Variants in DLG2 observed in about 807,000 individuals in gnomAD.
DLG2 encodes the protein disks large homolog 2.
DLG2 carries 45 observed loss-of-function variants against 132.5 expected under a neutral mutation model. The ratio of observed to expected loss-of-function variants is 0.34; its 90% CI spans 0.27 to 0.44. The LOEUF is 0.44. DLG2 is among the 20% of genes least tolerant of loss of function. DLG2 has a pLI of 1.00. For missense variants in DLG2, 1,045 were observed against 1,196.9 expected (o/e 0.87, Z 1.87); for synonymous variants, 424 against 419.6 (o/e 1.01, Z -0.13).
chr11:83,774,225 T>G (rs1307432582), intron 18 of DLG2, among the ~76,000 whole-genome samples: 1 of 152,170 alleles, frequency 6.6e-6, no homozygotes, highest in Non-Finnish European at 1.5e-5. Context: ...GCATCCACAG[T>G]CTCCCAAGGG....
At chr11:83,817,118 G>T (rs2049224747) in intron 17 of DLG2, among the ~76,000 whole-genome samples, 1 of 152,116 alleles carries the variant, frequency 6.6e-6, no homozygotes, top group African/African-American at 2.4e-5. Context: ...GACAAGCATT[G>T]TCCTGGCTTA....
chr11:84,259,758 T>C (rs1409994893), intron 7 of DLG2, among the ~76,000 whole-genome samples: 1 of 152,148 alleles, frequency 6.6e-6, no homozygotes, highest in African/African-American at 2.4e-5. Flanking sequence ...GAACTCTTAA[T>C]AATAAAAATA....
chr11:85,402,248 T>G (rs2088210845), intron 3 of DLG2, among the ~76,000 whole-genome samples: 1 of 152,170 alleles, frequency 6.6e-6, no homozygotes, highest in African/African-American at 2.4e-5. Flanking sequence ...GGGAAAGGAT[T>G]CTCTATTTAA....
chr11:84,175,770 G>C (rs1454017), intron 8 of DLG2, among the ~76,000 whole-genome samples: 103,334 of 151,884 alleles, frequency 0.68, 36,116 homozygotes, highest in Middle Eastern at 0.83. Flanking sequence ...CTGTGATTTT[G>C]GAAAAATGCT....
At chr11:85,344,410 A>G (rs1565353008) in intron 3 of DLG2, among the ~76,000 whole-genome samples, 1 of 152,130 alleles carries the variant, frequency 6.6e-6, no homozygotes, top group Non-Finnish European at 1.5e-5. Context: ...GAGCCTAATG[A>G]CGGACAGAGG....
chr11:84,749,055 G>C (rs539144051), intron 6 of DLG2, among the ~76,000 whole-genome samples: 1 of 152,140 alleles, frequency 6.6e-6, no homozygotes, highest in Non-Finnish European at 1.5e-5. Flanking sequence ...ATGGAAGAGA[G>C]ATGGTAGAGA....
intron 14 of DLG2, among the ~76,000 whole-genome samples, chr11:83,932,704 ATTTT>A (rs35400863): frequency 3.4e-5 from 5 of 148,048 alleles, no homozygotes; most frequent in Admixed American, 6.7e-5. Flanking sequence ...TGAATAGATA[ATTTT>A]TTTTTTTTTT....
At chr11:84,999,567 C>G (rs1201907423) in intron 6 of DLG2, among the ~76,000 whole-genome samples, 1 of 152,036 alleles carries the variant, frequency 6.6e-6, no homozygotes, top group African/African-American at 2.4e-5. Flanking sequence ...ATGAAAATAA[C>G]AATATATAAA....
chr11:84,198,788 T>A (rs1480219182), intron 8 of DLG2, among the ~76,000 whole-genome samples: 1 of 152,100 alleles, frequency 6.6e-6, no homozygotes, highest in Non-Finnish European at 1.5e-5. Context: ...TAAAGAAACA[T>A]AGATAGTTGA....
intron 6 of DLG2, among the ~76,000 whole-genome samples, chr11:84,622,144 C>T (rs2099615090): frequency 6.6e-6 from 1 of 152,100 alleles, no homozygotes; most frequent in Non-Finnish European, 1.5e-5. Context: ...GATTTTGCTA[C>T]AAAAGCAATC....
chr11:84,537,091 C>T (rs1045761338), intron 6 of DLG2, among the ~76,000 whole-genome samples: 4 of 152,024 alleles, frequency 2.6e-5, no homozygotes, highest in African/African-American at 9.7e-5. Context: ...TATGCTGAAC[C>T]CCCATTACTT....
intron 3 of DLG2, among the ~76,000 whole-genome samples, chr11:85,569,766 G>T (rs1429731854): frequency 6.6e-6 from 1 of 152,152 alleles, no homozygotes; most frequent in South Asian, 2.1e-4. Flanking sequence ...ATATGCTGTT[G>T]GTGGGAATGC....
intron 16 of DLG2, among the ~76,000 whole-genome samples, chr11:83,847,204 A>T (rs1409555946): frequency 2.0e-5 from 3 of 152,164 alleles, no homozygotes; most frequent in African/African-American, 4.8e-5. Context: ...TATTTTTCAT[A>T]GTTGTGTCAT....
chr11:85,617,151 C>T (rs2081392229), intron 2 of DLG2, among the ~76,000 whole-genome samples: 2 of 152,326 alleles, frequency 1.3e-5, no homozygotes, highest in South Asian at 4.1e-4. Flanking sequence ...AAGTCCAGCT[C>T]ACGGATTACC....
chr11:83,998,941 A>C (rs773441625), intron 11 of DLG2, among the ~76,000 whole-genome samples: 15 of 152,166 alleles, frequency 9.9e-5, no homozygotes, highest in Non-Finnish European at 1.6e-4. Flanking sequence ...AACTACAGCT[A>C]TTGGGGACTG....
intron 6 of DLG2, among the ~76,000 whole-genome samples, chr11:84,998,947 T>A (rs1179745353): frequency 1.3e-5 from 2 of 151,496 alleles, no homozygotes; most frequent in African/African-American, 4.8e-5. Context: ...GATTTCATTT[T>A]TGTCCCTTTT....
intron 11 of DLG2, among the ~76,000 whole-genome samples, chr11:84,041,093 G>A (rs1321870061): frequency 6.6e-6 from 1 of 151,858 alleles, no homozygotes; most frequent in Non-Finnish European, 1.5e-5. Flanking sequence ...CTTTGCTGAA[G>A]TTGCTTATCA....
intron 4 of DLG2, among the ~76,000 whole-genome samples, chr11:85,280,220 G>C (rs1432886813): frequency 1.1e-4 from 16 of 151,970 alleles, no homozygotes; most frequent in Admixed American, 1.1e-3. Flanking sequence ...CTTTCCACAA[G>C]ATCATTATCA....
chr11:85,153,909 A>G (rs2077423679), intron 5 of DLG2, among the ~76,000 whole-genome samples: 1 of 152,198 alleles, frequency 6.6e-6, no homozygotes, highest in South Asian at 2.1e-4. Context: ...AGCTAGCAAT[A>G]TGCTCTCCAA....
Sources: allele counts gnomAD v4.1 joint callset (sites outside exome capture counted in the v4.1 genomes callset), GRCh38; gene constraint gnomAD v4.1.1; transcripts MANE v1.5; gene names NCBI Gene and HGNC (gene_info 2026-07-23, HGNC 2026-07-21).